Variants in NF2 observed in about 807,000 individuals in gnomAD.
NF2 encodes merlin.
Under a neutral mutation model 83.7 loss-of-function variants are expected in NF2, and 8 were observed. That is an observed-to-expected ratio of 0.10 (90% CI 0.06 to 0.17). The LOEUF is 0.17. NF2 is among the 10% of genes least tolerant of loss of function. The probability of loss-of-function intolerance (pLI) is 1.00; values close to 1 mark genes in which losing one functional copy is unlikely to be tolerated. For synonymous variants in NF2, 266 were observed against 269.6 expected (o/e 0.99, Z 0.13); for missense variants, 533 against 744.4 (o/e 0.72, Z 3.31).
At chr22:29,674,137 A>G (rs1049044079) in intron 12 of NF2, among the ~76,000 whole-genome samples, 7 of 152,212 alleles carry the variant, frequency 4.6e-5, no homozygotes, top group Non-Finnish European at 1.0e-4. Flanking sequence ...TTTAGCTACC[A>G]AGGTGCATTC....
rs2146895018 is a variant in NF2, at chr22:29,642,281, C to A, written c.443C>A (p.Ala148Asp). Residue 148 changes from alanine to aspartate, a missense_variant, in exon 4 of 16, where the codon GCC becomes GAC. By Grantham distance (126) the Ala-to-Asp change is moderately radical (BLOSUM62 -2). This residue lies in a region of NF2 where 326 missense variants were observed against 475.1 expected (regional missense o/e 0.69). Coordinates refer to ENST00000338641, the MANE Select transcript of NF2 (RefSeq NM_000268.4). The stretch of plus-strand genomic sequence containing the variant: ...CTCCTGGCTTCTTACGCCGTCCAGG[C>A]CAAGGTAGGCTCAAAGAAGAAAAAT... Reference protein sequence around the residue: ...SVLLASYAVQAKYGDYDPSVH... With the variant: ...SVLLASYAVQDKYGDYDPSVH... The A allele has an allele frequency of 6.2e-7, 1 of 1,613,780 alleles. No homozygotes were observed.
chr22:29,613,015 AC>A (rs2064993056), intron 1 of NF2, among the ~76,000 whole-genome samples: 1 of 151,826 alleles, frequency 6.6e-6, no homozygotes, highest in South Asian at 2.1e-4. Context: ...AATCGCTTGA[AC>A]CTGGGAGGCG....
chr22:29,645,590 G>A (rs938017162), intron 4 of NF2, among the ~76,000 whole-genome samples: 1 of 152,018 alleles, frequency 6.6e-6, no homozygotes, highest in Non-Finnish European at 1.5e-5. Context: ...GATTAAATCC[G>A]AGCACTTCCT....
In NF2 at chr22:29,636,723, G is replaced by T. The variant is rs2146850914; in HGVS notation, c.115-28G>T. On this transcript the variant is annotated intron_variant, in intron 1 of 15. Transcript: ENST00000338641. The surrounding 1 kb of genome is among the most constrained non-coding windows in gnomAD (Gnocchi z 4.4). Reference sequence around the variant, plus strand: ...TTTATTAATGATTTTTGCTCACAGTGTCCTTCCCCATTGGTTTGTTATTGC... The same window carrying T: ...TTTATTAATGATTTTTGCTCACAGTTTCCTTCCCCATTGGTTTGTTATTGC... The T allele has an allele frequency of 6.2e-7, 1 of 1,614,128 alleles. No homozygotes were observed. The highest frequency in any genetic ancestry group is 8.5e-7 in the Non-Finnish European group (1 of 1,179,992).
intron 1 of NF2, among the ~76,000 whole-genome samples, chr22:29,628,706 C>T (rs910025570): frequency 7.3e-6 from 1 of 136,972 alleles, no homozygotes; most frequent in Non-Finnish European, 1.5e-5. Context: ...TCTTGGTTTA[C>T]TGCAACCTCT....
rs2147123461 is a variant in NF2, at chr22:29,681,574, C to T, written c.1710C>T (p.Gly570=). 6.2e-7 allele frequency: 1 copy of T among 1,614,124 alleles called. No individual in the cohort carries two copies. Among genetic ancestry groups the T allele is most frequent in the African/African-American group, 1.3e-5 (1 of 75,048 alleles). ...ACAATGAGAACTCCGACAGGGGTGG[C>T]AGCAGCAAGCACAATACCATTAAAA... ...ILHNENSDRG[G]SSKHNTIKKL... Residue 570 remains glycine, a synonymous_variant, in exon 15 of 16, where the codon GGC becomes GGT. Transcript: ENST00000338641.
chr22:29,610,455 T>G (rs1195251041), intron 1 of NF2, among the ~76,000 whole-genome samples: 3 of 151,986 alleles, frequency 2.0e-5, no homozygotes, highest in Admixed American at 1.3e-4. Flanking sequence ...CCAGCCTGTC[T>G]AATATGGTGA....
chr22:29,607,101 G>C (rs2064817810), intron 1 of NF2, among the ~76,000 whole-genome samples: 1 of 152,072 alleles, frequency 6.6e-6, no homozygotes, highest in Non-Finnish European at 1.5e-5. Flanking sequence ...TCCTGTCCTG[G>C]TTGTATCATT....
Position 29,661,291 on chromosome 22 carries a change from C to A in NF2, c.762C>A (p.Ile254=), listed in dbSNP as rs765985886. 6.2e-6 allele frequency: 10 copies of A among 1,614,238 alleles called. No homozygotes were observed. Among genetic ancestry groups the A allele is most frequent in the Non-Finnish European group, 8.5e-6 (10 of 1,180,052 alleles). Residue 254 remains isoleucine, a synonymous_variant, in exon 8 of 16, where the codon ATC becomes ATA. Coordinates refer to ENST00000338641, the MANE Select transcript of NF2 (RefSeq NM_000268.4). ...CTGAGAACAGACTGACCCCCAAGAT[C>A]TCCTTCCCGTGGAATGAAATCCGAA... ...YDPENRLTPK[I]SFPWNEIRNI... is the part of the protein sequence containing the mutation.
chr22:29,683,553 G>A (rs1432438163), intron 15 of NF2: 3 of 1,111,226 alleles, frequency 2.7e-6, no homozygotes, highest in Non-Finnish European at 2.2e-6. Flanking sequence ...AGGGTTGCTT[G>A]TGCTGGCTCA....
Position 29,696,188 on chromosome 22 carries a change from C to A in NF2, c.*1386C>A, listed in dbSNP as rs1480483688. The A allele has an allele frequency of 4.5e-6, 1 of 220,172 alleles. No homozygotes were observed. The highest frequency in any genetic ancestry group is 9.1e-6 in the Non-Finnish European group (1 of 110,206). 13.6% of individuals were successfully genotyped at this position (220,172 alleles called of 1,614,324 possible). On this transcript the variant is annotated 3_prime_UTR_variant, in exon 16 of 16. Coordinates refer to ENST00000338641, the MANE Select transcript of NF2 (RefSeq NM_000268.4). ...TCCTGAGTTCAAGCAATTCTCCTGCCTCAGCCTCCCAAGTAGCTGGGACTA... is the reference window on the plus strand; with the variant it reads ...TCCTGAGTTCAAGCAATTCTCCTGCATCAGCCTCCCAAGTAGCTGGGACTA...
At chr22:29,611,519 A>G (rs547646969) in intron 1 of NF2, among the ~76,000 whole-genome samples, 28 of 151,604 alleles carry the variant, frequency 1.8e-4, no homozygotes, top group African/African-American at 6.3e-4. Context: ...ACAGAGCTCA[A>G]AACAAACAAA....
chr22:29,608,002 G>A (rs952939084), intron 1 of NF2, among the ~76,000 whole-genome samples: 3 of 150,510 alleles, frequency 2.0e-5, no homozygotes, highest in Non-Finnish European at 3.0e-5. Flanking sequence ...GTAAAACCCC[G>A]TCTCTGCTAA....
chr22:29,673,514 C>T (rs903463673), intron 12 of NF2, 28 bp downstream of exon 12: 8 of 1,591,164 alleles, frequency 5.0e-6, no homozygotes, highest in South Asian at 2.3e-5. Context: ...ACCAGACTGG[C>T]GAGGAGGCTG....
Position 29,660,934 on chromosome 22 carries a change from T to C in NF2, c.676-271T>C, listed in dbSNP as rs575477771. 9.2e-5 allele frequency among the ~76,000 whole-genome samples: 14 copies of C among 152,376 alleles called. No individual in the cohort carries two copies. The South Asian group carries it at 1.7e-3, about 18-fold the overall frequency. Reference sequence around the variant, plus strand: ...ATTTAACCAGAGGGAACAACACTTATGTTACTCTTCCTTTAGCCATCGAGC... The same window carrying C: ...ATTTAACCAGAGGGAACAACACTTACGTTACTCTTCCTTTAGCCATCGAGC... On this transcript the variant is annotated intron_variant, in intron 7 of 15. Coordinates refer to ENST00000338641, the MANE Select transcript of NF2 (RefSeq NM_000268.4).
Position 29,695,601 on chromosome 22 carries a change from C to T in NF2, c.*799C>T. Reference sequence around the variant, plus strand: ...TCATGTCTTCCCCATTGCCCGACGCCCATAGACGCTCCTTCCTGTGTGGGG... The same window carrying T: ...TCATGTCTTCCCCATTGCCCGACGCTCATAGACGCTCCTTCCTGTGTGGGG... On this transcript the variant is annotated 3_prime_UTR_variant, in exon 16 of 16. Coordinates refer to ENST00000338641, the MANE Select transcript of NF2 (RefSeq NM_000268.4). The surrounding 1 kb of genome is among the most constrained non-coding windows in gnomAD (Gnocchi z 5.4). The T allele has an allele frequency of 4.3e-6, 1 of 234,914 alleles. No homozygotes were observed. The highest frequency in any genetic ancestry group is 8.4e-6 in the Non-Finnish European group (1 of 119,188). The allele number at this position is 234,914 out of a possible 1,614,324, so 14.6% of individuals were successfully genotyped here.
chr22:29,625,406 C>T (rs1450723333), intron 1 of NF2, among the ~76,000 whole-genome samples: 1 of 152,128 alleles, frequency 6.6e-6, no homozygotes, highest in Non-Finnish European at 1.5e-5. Context: ...TCCAGTTATT[C>T]ATGCTAGTTT....
chr22:29,671,728 C>T (rs2066793833), intron 10 of NF2, 98 bp from the exon 11 acceptor site: 2 of 1,573,856 alleles, frequency 1.3e-6, no homozygotes, highest in Non-Finnish European at 1.7e-6. Context: ...AAAAAGGTCC[C>T]AAAAGGGGAG....
intron 12 of NF2, among the ~76,000 whole-genome samples, chr22:29,673,748 C>T (rs2066879908): frequency 6.6e-6 from 1 of 152,236 alleles, no homozygotes; most frequent in Non-Finnish European, 1.5e-5. Flanking sequence ...GCCCCTGTCC[C>T]TCTGATGGCC....
Sources: allele counts gnomAD v4.1 joint callset (sites outside exome capture counted in the v4.1 genomes callset), GRCh38; gene constraint gnomAD v4.1.1; regional missense constraint gnomAD v4.1.1; non-coding constraint Gnocchi (gnomAD v3.1); transcripts MANE v1.5; gene names NCBI Gene and HGNC (gene_info 2026-07-23, HGNC 2026-07-21).